Variants in POLQ observed in about 807,000 individuals in gnomAD.
POLQ encodes the protein epididymis secretory sperm binding protein.
POLQ carries 233 observed loss-of-function variants against 259.2 expected under a neutral mutation model. That is an observed-to-expected ratio of 0.90 (90% confidence interval 0.81 to 1.00). The LOEUF is 1.00. POLQ is among the 50% of genes least tolerant of loss of function. The pLI, the probability that POLQ is intolerant of heterozygous loss-of-function variation, is 0.00. For missense variants in POLQ, 2,871 were observed against 3,051.6 expected, an observed-to-expected ratio of 0.94 and a Z score of 1.39; for synonymous variants, 1,025 against 1,048.8, an observed-to-expected ratio of 0.98 and a Z score of 0.44.
intron 5 of POLQ, among the ~76,000 whole-genome samples, chr3:121,534,952 T>C (rs2048440023): frequency 1.3e-5 from 2 of 152,236 alleles, no homozygotes; most frequent in Admixed American, 1.3e-4. Flanking sequence ...ACTTGCTTTA[T>C]GGTCCAGTAT....
chr3:121,522,437 G>A (rs546839706), intron 7 of POLQ, among the ~76,000 whole-genome samples: 3 of 149,650 alleles, frequency 2.0e-5, no homozygotes, highest in Non-Finnish European at 3.0e-5. Flanking sequence ...TCAGCCTCCC[G>A]AGTAGCTGGG....
intron 12 of POLQ, among the ~76,000 whole-genome samples, chr3:121,509,102 T>A (rs560325314): frequency 6.6e-6 from 1 of 152,206 alleles, no homozygotes; most frequent in East Asian, 1.9e-4. Context: ...GTTTTGTTTT[T>A]TATCTTATGA....
intron 20 of POLQ, 85 bp downstream of exon 20, chr3:121,476,455 T>TACACACACACAC (rs71678533): frequency 9.6e-6 from 7 of 727,742 alleles, no homozygotes; most frequent in African/African-American, 7.4e-5. Flanking sequence ...TTCAGGTAAA[T>TACACACACACAC]ACACACACAC....
rs79809218 is a variant in POLQ, at chr3:121,478,367, T to A, written c.6212-1634A>T. Among the ~76,000 whole-genome samples the A allele has an allele frequency of 2.9e-3, 434 of 151,998 alleles. 1 individual carries two copies. Among genetic ancestry groups the A allele is most frequent in the African/African-American group, 0.01 (416 of 41,482 alleles). ...ATACAAGACAGCAAAGAAATGTGAA[T>A]AGGACTCAGAAGAAACAACCAAGAA... On this transcript the variant is annotated intron_variant, in intron 19 of 29. Coordinates refer to ENST00000264233, the MANE Select transcript of POLQ (RefSeq NM_199420.4).
intron 12 of POLQ, among the ~76,000 whole-genome samples, chr3:121,505,868 C>T (rs1321294298): frequency 1.5e-5 from 2 of 134,756 alleles, no homozygotes; most frequent in Non-Finnish European, 3.2e-5. Context: ...AAAAAAAATA[C>T]AAAATTAGCC....
chr3:121,455,930 A>C (rs1276032590), intron 25 of POLQ, among the ~76,000 whole-genome samples: 1 of 152,228 alleles, frequency 6.6e-6, no homozygotes, highest in Non-Finnish European at 1.5e-5. Context: ...AGACAACCAA[A>C]AAAGAGAATT....
At chr3:121,458,800 C>A (rs2047765489) in intron 25 of POLQ, among the ~76,000 whole-genome samples, 1 of 152,152 alleles carries the variant, frequency 6.6e-6, no homozygotes, top group South Asian at 2.1e-4. Context: ...CCTACGATCC[C>A]AGCACTTCGG....
intron 24 of POLQ, among the ~76,000 whole-genome samples, chr3:121,466,626 G>T (rs2047839029): frequency 6.6e-6 from 1 of 151,086 alleles, no homozygotes; most frequent in South Asian, 2.1e-4. Flanking sequence ...GGAGGCAGAG[G>T]TTGCGCTGAG....
chr3:121,496,984 C>T (rs768642545), intron 13 of POLQ, 52 bp from the exon 14 acceptor site: 119 of 1,588,686 alleles, frequency 7.5e-5, no homozygotes, highest in South Asian at 6.8e-5. Flanking sequence ...GTCTACTAGG[C>T]GATACAGTGT....
chr3:121,515,309 T>C (rs1158080039), intron 9 of POLQ, among the ~76,000 whole-genome samples: 1 of 152,200 alleles, frequency 6.6e-6, no homozygotes, highest in Non-Finnish European at 1.5e-5. Flanking sequence ...ATTACAGTCA[T>C]GAGCCACCAT....
intron 18 of POLQ, among the ~76,000 whole-genome samples, chr3:121,482,245 G>A (rs906044621): frequency 4.6e-5 from 7 of 152,290 alleles, no homozygotes; most frequent in African/African-American, 9.6e-5. Context: ...GGCGCCGGGC[G>A]CAGTGGCTGA....
At chr3:121,545,368 C>G (rs1265227624) in intron 1 of POLQ, among the ~76,000 whole-genome samples, 2 of 152,150 alleles carry the variant, frequency 1.3e-5, no homozygotes, top group Non-Finnish European at 2.9e-5. Context: ...CAGCCTGTGC[C>G]GTACTCCAGG....
In POLQ at chr3:121,545,787, G is replaced by A; in HGVS notation, c.91C>T (p.Pro31Ser). ...SGSGGDSSASPQFLSGSVLSP... is the reference protein window; with the variant it reads ...SGSGGDSSASSQFLSGSVLSP... Reference sequence around the variant, plus strand: ...AGCACGGACCCGGAGAGGAACTGGGGGCTGGCACTGCTGTCACCGCCGCTT... The same window carrying A: ...AGCACGGACCCGGAGAGGAACTGGGAGCTGGCACTGCTGTCACCGCCGCTT... Residue 31 changes from proline to serine, a missense_variant, in exon 1 of 30, where the codon CCC (proline) becomes TCC (serine). This residue lies in a region of POLQ where 783 missense variants were observed against 906.2 expected (regional missense o/e 0.86). Transcript: ENST00000264233. 6.2e-7 allele frequency: 1 copy of A among 1,610,946 alleles called. No individual in the cohort carries two copies. Among genetic ancestry groups the A allele is most frequent in the South Asian group, 1.1e-5 (1 of 90,426 alleles).
At chr3:121,476,434 G>GTTTC (rs2047925692) in intron 20 of POLQ, 106 bp downstream of exon 20, 1 of 750,640 alleles carries the variant, frequency 1.3e-6, no homozygotes, top group African/African-American at 1.9e-5. Flanking sequence ...TCATTTTACT[G>GTTTC]ACCTTTGGTG....
chr3:121,458,173 G>A (rs1485013818), intron 25 of POLQ, among the ~76,000 whole-genome samples: 1 of 152,002 alleles, frequency 6.6e-6, no homozygotes, highest in African/African-American at 2.4e-5. Flanking sequence ...CTCATAGGTG[G>A]GAATTGAACA....
intron 9 of POLQ, among the ~76,000 whole-genome samples, chr3:121,519,412 A>G (rs1450076539): frequency 6.8e-6 from 1 of 147,202 alleles, no homozygotes; most frequent in East Asian, 2.0e-4. Context: ...GCGGTGGCTC[A>G]AGCCTGTAAT....
At chr3:121,483,362 T>C in intron 18 of POLQ, 24 bp downstream of exon 18, 2 of 1,376,282 alleles carry the variant, frequency 1.5e-6, no homozygotes, top group Non-Finnish European at 1.9e-6. Flanking sequence ...TTTAAGTATA[T>C]AAAAATTAAA....
chr3:121,517,504 C>G (rs1175844665), intron 9 of POLQ, among the ~76,000 whole-genome samples: 8 of 152,104 alleles, frequency 5.3e-5, no homozygotes, highest in Non-Finnish European at 1.0e-4. Context: ...TGCACATCTT[C>G]TTAAGTATTA....
chr3:121,471,279 G>A (rs528362992), intron 22 of POLQ, among the ~76,000 whole-genome samples: 45 of 152,042 alleles, frequency 3.0e-4, no homozygotes, highest in South Asian at 1.9e-3. Flanking sequence ...TTACTTATAC[G>A]GATGCCCCAG....
Sources: gnomAD v4.1 joint callset for allele counts (sites outside exome capture counted in the v4.1 genomes callset) on GRCh38, gnomAD v4.1.1 for gene constraint, gnomAD v4.1.1 regional missense constraint, MANE v1.5 for transcripts, NCBI Gene and HGNC (gene_info 2026-07-23, HGNC 2026-07-21) for gene names.